The following PCDHA13 variants were observed in gnomAD, a reference collection of about 807,000 sequenced individuals.
PCDHA13 encodes protocadherin alpha-13.
A neutral mutation model predicts 64.8 loss-of-function variants in PCDHA13; 54 were observed. That is an observed-to-expected ratio of 0.83 (90% CI 0.67 to 1.04). The LOEUF is 1.04. Ranked by LOEUF, PCDHA13 falls within the 50% of genes least tolerant of loss-of-function variation. The pLI, the probability that PCDHA13 is intolerant of heterozygous loss-of-function variation, is 0.00. For synonymous variants in PCDHA13, 587 were observed against 564.4 expected, an observed-to-expected ratio of 1.04 and a Z score of -0.57; for missense variants, 1,248 against 1,254.3, an observed-to-expected ratio of 0.99 and a Z score of 0.08.
At chr5:140,988,942 G>C (rs1236805502) in intron 3 of PCDHA13, 1 of 152,180 alleles carries the variant, frequency 6.6e-6, no homozygotes, top group East Asian at 1.9e-4. Context: ...CTCTTAGGCT[G>C]CAGTTTCCTT....
intron 1 of PCDHA13, among the ~76,000 whole-genome samples, chr5:140,943,803 G>A (rs1429767850): frequency 6.6e-6 from 1 of 152,214 alleles, no homozygotes; most frequent in Non-Finnish European, 1.5e-5. Flanking sequence ...AAGCAAAAGA[G>A]GAAAGTTTGA....
At chr5:140,887,906 T>C (rs2061622663) in intron 1 of PCDHA13, among the ~76,000 whole-genome samples, 1 of 152,198 alleles carries the variant, frequency 6.6e-6, no homozygotes, top group Admixed American at 6.5e-5. Context: ...TCCTAAACAG[T>C]GTATTCTTCA....
In PCDHA13 at chr5:140,902,185, T is replaced by TTC. The variant is rs370111655; in HGVS notation, c.2394+17537_2394+17538dup. On this transcript the variant is annotated intron_variant, in intron 1 of 3. Transcript: ENST00000289272. ...TTCTAATTTGGATGTCCTTTATGTC[T>TTC]TCTCTCTCTCTCTCTTTCTTTTTTT... Among the ~76,000 whole-genome samples the TTC allele has an allele frequency of 1.5e-3, 225 of 150,894 alleles. 1 individual carries two copies. The highest frequency in any genetic ancestry group is 2.6e-3 in the Admixed American group (40 of 15,130).
chr5:140,951,841 AAAAGTCC>A (rs1266500275), intron 1 of PCDHA13, among the ~76,000 whole-genome samples: 1 of 152,182 alleles, frequency 6.6e-6, no homozygotes, highest in African/African-American at 2.4e-5. Context: ...GCATTAAGCC[AAAAGTCC>A]AAAGTCCAAA....
At chr5:140,966,528 G>C in intron 1 of PCDHA13, 1 of 446,634 alleles carries the variant, frequency 2.2e-6, no homozygotes, top group Non-Finnish European at 3.9e-6. Context: ...AGCCGAGCCG[G>C]GTTGAGCGAC....
At chr5:141,007,977 T>A (rs564286183) in intron 3 of PCDHA13, among the ~76,000 whole-genome samples, 20 of 152,362 alleles carry the variant, frequency 1.3e-4, no homozygotes, top group African/African-American at 4.8e-4. Flanking sequence ...GTCTGTCATG[T>A]ATATATGAAA....
intron 1 of PCDHA13, among the ~76,000 whole-genome samples, chr5:140,962,132 C>A (rs1018234897): frequency 3.3e-5 from 5 of 152,104 alleles, no homozygotes; most frequent in Admixed American, 3.3e-4. Flanking sequence ...GCCTCGGCCT[C>A]CCAAAGTGCT....
intron 1 of PCDHA13, among the ~76,000 whole-genome samples, chr5:140,887,705 T>G (rs1016402630): frequency 6.6e-6 from 1 of 152,172 alleles, no homozygotes; most frequent in Non-Finnish European, 1.5e-5. Context: ...TCAACCATAC[T>G]TCTTCTAATA....
chr5:140,982,566 A>C lies in PCDHA13; in HGVS notation c.2542+3A>C. 1.2e-6 allele frequency: 2 copies of C among 1,614,088 alleles called. No individual in the cohort carries two copies. Among genetic ancestry groups the C allele is most frequent in the Non-Finnish European group, 1.7e-6 (2 of 1,179,950 alleles). ...AACAGTATCCAGTGCAACACCAGGT[A>C]AAGAGCTGGGGTCTCTCCATTCTTT... is the stretch of plus-strand genomic sequence containing the variant. On this transcript the variant is annotated splice_donor_region_variant and intron_variant, in intron 3 of 3. Transcript: ENST00000289272.
chr5:140,914,758 C>T (rs1435498037), intron 1 of PCDHA13, among the ~76,000 whole-genome samples: 3 of 151,912 alleles, frequency 2.0e-5, no homozygotes, highest in Non-Finnish European at 4.4e-5. Context: ...TTTGAGGTTA[C>T]ATGAGGTTTA....
chr5:140,999,215 C>A (rs1290752092), intron 3 of PCDHA13, among the ~76,000 whole-genome samples: 1 of 152,140 alleles, frequency 6.6e-6, no homozygotes, highest in East Asian at 1.9e-4. Context: ...TCTGGAAGTA[C>A]TACATTTGAG....
intron 1 of PCDHA13, among the ~76,000 whole-genome samples, chr5:140,910,641 C>G (rs1270893523): frequency 6.6e-6 from 1 of 152,206 alleles, no homozygotes; most frequent in Non-Finnish European, 1.5e-5. Context: ...CTCCCTAAAC[C>G]TTTTGATCCC....
At position 140,993,462 on chromosome 5, in the gene PCDHA13, T is replaced by TCACACACACA. The variant is rs3836747; in HGVS notation, c.2542+10937_2542+10946dup. On this transcript the variant is annotated intron_variant, in intron 3 of 3. Coordinates refer to ENST00000289272, the MANE Select transcript of PCDHA13 (RefSeq NM_018904.3). Reference sequence around the variant, plus strand: ...CATTCCTGTTCTCCTTCTTTCTTTCTCACACACACACACACACACACACAC... The same window carrying TCACACACACA: ...CATTCCTGTTCTCCTTCTTTCTTTCTCACACACACACACACACACACACACACACACACAC... Among the ~76,000 whole-genome samples, 267 of 141,038 alleles carry TCACACACACA rather than the reference T, an allele frequency of 1.9e-3. 2 individuals are homozygous for TCACACACACA. The highest frequency in any genetic ancestry group is 2.7e-3 in the Non-Finnish European group (175 of 64,694). The allele number at this position is 141,038 out of a possible 152,430, so 92.5% of individuals were successfully genotyped here.
chr5:140,969,418 TTAACAG>T (rs782375088), intron 1 of PCDHA13: 40 of 1,564,272 alleles, frequency 2.6e-5, no homozygotes, highest in Non-Finnish European at 3.4e-5. Context: ...TATTGAGTCA[TTAACAG>T]TGACAAGAGT....
At chr5:140,963,424 G>A (rs898407658) in intron 1 of PCDHA13, among the ~76,000 whole-genome samples, 7 of 152,194 alleles carry the variant, frequency 4.6e-5, no homozygotes, top group Non-Finnish European at 1.0e-4. Flanking sequence ...GCATGTTTAG[G>A]AACTAACTTC....
chr5:141,010,073 T>C lies in PCDHA13; in HGVS notation c.*136T>C. On this transcript the variant is annotated 3_prime_UTR_variant, in exon 4 of 4. Coordinates refer to ENST00000289272, the MANE Select transcript of PCDHA13 (RefSeq NM_018904.3). ...CCTCAGAAATCTGCAGAAAGTTCCC[T>C]GTGTCTGTCTAGAACGCATTTAACA... 6.2e-7 allele frequency: 1 copy of C among 1,606,602 alleles called. No individual in the cohort carries two copies. The highest frequency in any genetic ancestry group is 1.7e-5 in the Admixed American group (1 of 59,096).
intron 1 of PCDHA13, chr5:140,929,398 A>G: frequency 6.6e-7 from 1 of 1,510,096 alleles, no homozygotes; most frequent in Non-Finnish European, 8.9e-7. Flanking sequence ...AATATTTCTT[A>G]GACAAGCCTT....
chr5:140,929,327 T>A (rs782155915), intron 1 of PCDHA13: 1 of 1,536,752 alleles, frequency 6.5e-7, no homozygotes, highest in Admixed American at 2.1e-5. Context: ...AATGCCATGG[T>A]AAGCAAATTT....
At chr5:140,954,526 G>A (rs2095049912) in intron 1 of PCDHA13, among the ~76,000 whole-genome samples, 1 of 152,184 alleles carries the variant, frequency 6.6e-6, no homozygotes, top group Admixed American at 6.5e-5. Flanking sequence ...GATCAGTGAT[G>A]TTGAGGTTTT....
Sources: allele counts gnomAD v4.1 joint callset (sites outside exome capture counted in the v4.1 genomes callset), GRCh38; gene constraint gnomAD v4.1.1; transcripts MANE v1.5; gene names NCBI Gene and HGNC (gene_info 2026-07-23, HGNC 2026-07-21).